Variants in HRH1 observed in about 807,000 individuals in gnomAD.
HRH1 encodes histamine H1 receptor.
A neutral mutation model predicts 10.3 loss-of-function variants in HRH1; 6 were observed. The observed-to-expected ratio is 0.58, with a 90% CI of 0.32 to 1.15. HRH1 has a LOEUF of 1.15. HRH1 is among the 50% of genes most tolerant of loss of function. The pLI, the probability that HRH1 is intolerant of heterozygous loss-of-function variation, is 0.05. For missense variants in HRH1, 514 were observed against 615.3 expected (o/e 0.84, Z 1.74); for synonymous variants, 242 against 236.7 (o/e 1.02, Z -0.21).
At chr3:11,257,568 A>G (rs990601435) in intron 1 of HRH1, among the ~76,000 whole-genome samples, 2 of 152,110 alleles carry the variant, frequency 1.3e-5, no homozygotes, top group African/African-American at 4.8e-5. Flanking sequence ...TCAAAAAAAA[A>G]AAAAAAATCT....
At chr3:11,147,840 C>T (rs61459695) in intron 1 of HRH1, among the ~76,000 whole-genome samples, 1 of 152,104 alleles carries the variant, frequency 6.6e-6, no homozygotes, top group Non-Finnish European at 1.5e-5. Context: ...GCCCATGTTC[C>T]TCATTCCAGC....
At chr3:11,189,906 T>C (rs1026701593) in intron 1 of HRH1, among the ~76,000 whole-genome samples, 1 of 152,050 alleles carries the variant, frequency 6.6e-6, no homozygotes, top group South Asian at 2.1e-4. Flanking sequence ...GCTGAGATCA[T>C]GCCGCTGCAC....
chr3:11,193,651 T>A (rs546770151), intron 1 of HRH1, among the ~76,000 whole-genome samples: 14 of 152,182 alleles, frequency 9.2e-5, no homozygotes, highest in African/African-American at 3.1e-4. Flanking sequence ...CAACAGAAAT[T>A]TATTTCTCAC....
intron 1 of HRH1, among the ~76,000 whole-genome samples, chr3:11,147,901 G>T (rs1038694680): frequency 2.0e-5 from 3 of 152,086 alleles, no homozygotes; most frequent in Admixed American, 6.5e-5. Flanking sequence ...CTCTCTTCTG[G>T]CTGGGTGTGG....
At chr3:11,151,034 C>T (rs545463977), upstream of HRH1, among the ~76,000 whole-genome samples, 4 of 152,336 alleles carry the variant, frequency 2.6e-5, no homozygotes, top group South Asian at 8.3e-4. Context: ...ATCTCTCACC[C>T]ACTCCTAGTT....
intron 1 of HRH1, among the ~76,000 whole-genome samples, chr3:11,219,388 T>C (rs1429305379): frequency 2.6e-5 from 4 of 152,086 alleles, no homozygotes; most frequent in Admixed American, 1.3e-4. Context: ...GTTAAAGTGG[T>C]AAGTGTTTTA....
intron 1 of HRH1, among the ~76,000 whole-genome samples, chr3:11,145,918 T>C (rs931497373): frequency 6.6e-6 from 1 of 152,226 alleles, no homozygotes; most frequent in Non-Finnish European, 1.5e-5. Flanking sequence ...TTCATCTACC[T>C]CATTGCTGTA....
intron 1 of HRH1, among the ~76,000 whole-genome samples, chr3:11,159,807 A>C (rs1367067082): frequency 6.6e-6 from 1 of 152,186 alleles, no homozygotes; most frequent in Non-Finnish European, 1.5e-5. Flanking sequence ...CTCACCAGTG[A>C]GGCCCCCAGT....
chr3:11,165,709 G>A (rs1453761613), intron 1 of HRH1, among the ~76,000 whole-genome samples: 2 of 152,140 alleles, frequency 1.3e-5, no homozygotes, highest in Admixed American at 6.5e-5. Context: ...TAGGAGAAAC[G>A]TCTCTCCGGA....
Position 11,260,349 on chromosome 3 carries a change from A to G in HRH1, c.1312A>G (p.Ile438Val), listed in dbSNP as rs200526115. 1.5e-5 allele frequency: 25 copies of G among 1,614,196 alleles called. No individual in the cohort carries two copies. The highest frequency in any genetic ancestry group is 3.3e-4 in the Middle Eastern group (2 of 6,060). The change falls in exon 2 of 2, where the codon ATT becomes GTT. Residue 438 changes from isoleucine to valine, a missense_variant. Coordinates refer to ENST00000431010, the MANE Select transcript of HRH1 (RefSeq NM_001098212.2). ...WIPYFIFFMVIAFCKNCCNEH... is the reference protein window; with the variant it reads ...WIPYFIFFMVVAFCKNCCNEH... ...CCCTTATTTCATCTTCTTCATGGTC[A>G]TTGCCTTCTGCAAGAACTGTTGCAA...
intron 1 of HRH1, among the ~76,000 whole-genome samples, chr3:11,170,202 G>A (rs1490226667): frequency 6.6e-6 from 1 of 152,204 alleles, no homozygotes; most frequent in East Asian, 1.9e-4. Context: ...CCATGAGTTA[G>A]CCCAGGCCAA....
intron 1 of HRH1, among the ~76,000 whole-genome samples, chr3:11,249,010 T>C (rs911299290): frequency 6.6e-6 from 1 of 152,210 alleles, no homozygotes; most frequent in African/African-American, 2.4e-5. Flanking sequence ...TGATATCCTG[T>C]TTCAATAGCT....
intron 1 of HRH1, among the ~76,000 whole-genome samples, chr3:11,170,524 C>T (rs1050386804): frequency 2.0e-5 from 3 of 152,248 alleles, no homozygotes; most frequent in African/African-American, 4.8e-5. Flanking sequence ...AGACCCGGAA[C>T]GGGCAGTATC....
rs530230017 is a variant in HRH1, at chr3:11,143,651, G to A, written c.-36+6252G>A. Among the ~76,000 whole-genome samples the A allele has an allele frequency of 9.2e-5, 14 of 152,308 alleles. No individual in the cohort carries two copies. In the South Asian group the frequency reaches 2.5e-3, roughly 27 times the overall value. Reference sequence around the variant, plus strand: ...TAACCCCTCCAGTCTCCCTTGTAGAGTAGTAGATGAATGGTGACCCCTGGT... The same window carrying A: ...TAACCCCTCCAGTCTCCCTTGTAGAATAGTAGATGAATGGTGACCCCTGGT... On this transcript the variant is annotated intron_variant, in intron 1 of 1. Coordinates refer to the HRH1 transcript ENST00000438284.
intron 1 of HRH1, among the ~76,000 whole-genome samples, chr3:11,242,593 A>G (rs1309105322): frequency 7.9e-5 from 12 of 151,318 alleles, no homozygotes; most frequent in Non-Finnish European, 8.8e-5. Flanking sequence ...CCAACTCCGG[A>G]CACACTACCT....
At chr3:11,163,475 G>A (rs1050246398) in intron 1 of HRH1, among the ~76,000 whole-genome samples, 87 of 151,366 alleles carry the variant, frequency 5.7e-4, no homozygotes, top group African/African-American at 2.1e-3. Flanking sequence ...TGGGCTTGGA[G>A]GCTGCAATGA....
At chr3:11,139,175 T>C (rs4684760) in intron 1 of HRH1, among the ~76,000 whole-genome samples, 45,186 of 150,780 alleles carry the variant, frequency 0.3, 7,255 homozygotes, top group Admixed American at 0.46. Flanking sequence ...TTAGTAGAGA[T>C]GAGGTTTCAC....
intron 1 of HRH1, among the ~76,000 whole-genome samples, chr3:11,140,378 A>G (rs1250754584): frequency 6.6e-6 from 1 of 151,840 alleles, no homozygotes; most frequent in East Asian, 1.9e-4. Flanking sequence ...CCCCAATACC[A>G]AGACCTCTCA....
At position 11,259,532 on chromosome 3, in the gene HRH1, G is replaced by A. The variant is rs1238363649; in HGVS notation, c.495G>A (p.Trp165Ter). 2 of 1,614,040 alleles carry A rather than the reference G, an allele frequency of 1.2e-6. No homozygotes were observed. Among genetic ancestry groups the A allele is most frequent in the Non-Finnish European group, 1.7e-6 (2 of 1,180,010 alleles). ...TGTGGGTTATTCCCATTCTAGGCTG[G>A]AATCACTTCATGCAGCAGACCTCGG... ...SFLWVIPILGWNHFMQQTSVR... is the reference protein window; with the variant it reads ...SFLWVIPILG The change falls in exon 2 of 2, where the codon TGG (tryptophan) becomes TGA (stop). Residue 165 changes from tryptophan to a stop codon, truncating the protein, a stop_gained. Transcript: ENST00000431010. LOFTEE classifies it low-confidence loss of function (END_TRUNC). This position sits in a 1 kb window ranked among gnomAD's most constrained non-coding sequence, Gnocchi z 4.6.
Sources: allele counts gnomAD v4.1 joint callset (sites outside exome capture counted in the v4.1 genomes callset), GRCh38; gene constraint gnomAD v4.1.1; non-coding constraint Gnocchi (gnomAD v3.1); transcripts MANE v1.5; gene names NCBI Gene and HGNC (gene_info 2026-07-23, HGNC 2026-07-21).